Variants in ARIH1 observed in about 807,000 individuals in gnomAD.
ARIH1 encodes the protein E3 ubiquitin-protein ligase ARIH1.
Under a neutral mutation model 85.0 loss-of-function variants are expected in ARIH1, and 8 were observed. The ratio of observed to expected loss-of-function variants is 0.09; its 90% CI spans 0.06 to 0.17. ARIH1 has a LOEUF of 0.17. Ranked by LOEUF, ARIH1 falls within the 10% of genes least tolerant of loss-of-function variation. ARIH1 has a pLI of 1.00. For synonymous variants in ARIH1, 238 were observed against 253.6 expected (o/e 0.94, Z 0.59); for missense variants, 311 against 718.1 (o/e 0.43, Z 6.48).
rs1315195088 is a variant in ARIH1, at chr15:72,586,672, G to A, written c.*3380G>A. 1 of 152,292 alleles carries A rather than the reference G, an allele frequency of 6.6e-6. No individual in the cohort carries two copies. The highest frequency in any genetic ancestry group is 1.9e-4 in the East Asian group (1 of 5,202). The allele number at this position is 152,292 out of a possible 1,614,324, so 9.4% of individuals were successfully genotyped here. On this transcript the variant is annotated 3_prime_UTR_variant, in exon 14 of 14. Transcript: ENST00000379887. ...CACTTAATATAAAATGTCAAAAATTGGTTGTTTCTTTGCAGGGAACTGTGA... is the reference window on the plus strand; with the variant it reads ...CACTTAATATAAAATGTCAAAAATTAGTTGTTTCTTTGCAGGGAACTGTGA...
chr15:72,557,186 C>T (rs1042195915), intron 5 of ARIH1, among the ~76,000 whole-genome samples: 10 of 151,640 alleles, frequency 6.6e-5, no homozygotes, highest in South Asian at 2.1e-4. Flanking sequence ...TACATCATTA[C>T]GGTTTTGATT....
At chr15:72,476,191 A>G (rs1003005285) in intron 1 of ARIH1, among the ~76,000 whole-genome samples, 1 of 152,198 alleles carries the variant, frequency 6.6e-6, no homozygotes, top group Non-Finnish European at 1.5e-5. Context: ...ACTGATTTTT[A>G]TAGTATTATA....
intron 9 of ARIH1, 77 bp from the exon 10 acceptor site, chr15:72,570,100 T>C (rs1567358788): frequency 2.6e-6 from 4 of 1,526,790 alleles, no homozygotes; most frequent in Non-Finnish European, 3.6e-6. Context: ...AAACCAAATC[T>C]AGAACTGGCT....
chr15:72,594,765 T>C lies in ARIH1; in HGVS notation c.*11473T>C, dbSNP rs905717706. ...TAAATAGATACACAACAGTGTAGTCTGCAAATAATGTTTTTACTTCTTTTT... is the reference window on the plus strand; with the variant it reads ...TAAATAGATACACAACAGTGTAGTCCGCAAATAATGTTTTTACTTCTTTTT... On this transcript the variant is annotated 3_prime_UTR_variant, in exon 14 of 14. Coordinates refer to ENST00000379887, the MANE Select transcript of ARIH1 (RefSeq NM_005744.5). 1.3e-5 allele frequency: 2 copies of C among 151,462 alleles called. No homozygotes were observed. Among genetic ancestry groups the C allele is most frequent in the African/African-American group, 2.4e-5 (1 of 41,096 alleles). The allele number at this position is 151,462 out of a possible 1,614,324, so 9.4% of individuals were successfully genotyped here. A position where few individuals can be genotyped will look rare whatever the true frequency, so the allele number is the denominator to read the frequency against.
intron 2 of ARIH1, among the ~76,000 whole-genome samples, chr15:72,544,351 G>C (rs943479930): frequency 6.6e-6 from 1 of 152,084 alleles, no homozygotes; most frequent in Admixed American, 6.6e-5. Context: ...TTAATAAAAT[G>C]AATTCATTTG....
chr15:72,557,070 T>C (rs2064177564), intron 5 of ARIH1, among the ~76,000 whole-genome samples: 1 of 152,216 alleles, frequency 6.6e-6, no homozygotes, highest in Non-Finnish European at 1.5e-5. Context: ...ATTTTCCCTG[T>C]GATCTCACCA....
chr15:72,475,893 G>A (rs1027009816), intron 1 of ARIH1, among the ~76,000 whole-genome samples: 1 of 152,022 alleles, frequency 6.6e-6, no homozygotes, highest in East Asian at 1.9e-4. Flanking sequence ...ATTTAACCAT[G>A]TGCGTCAGAT....
intron 3 of ARIH1, among the ~76,000 whole-genome samples, chr15:72,554,256 A>G (rs543710404): frequency 3.3e-5 from 5 of 152,266 alleles, no homozygotes; most frequent in South Asian, 4.1e-4. Flanking sequence ...GCTGGGTCCT[A>G]TGGTAACTCT....
At chr15:72,505,466 A>G (rs2063920703) in intron 1 of ARIH1, among the ~76,000 whole-genome samples, 1 of 152,162 alleles carries the variant, frequency 6.6e-6, no homozygotes, top group Non-Finnish European at 1.5e-5. Context: ...TCAAGTATGA[A>G]TATAGCATAA....
chr15:72,537,702 GCTGGGGGGAGTTGAAATGGCAGTT>G (rs1246029227), intron 2 of ARIH1, among the ~76,000 whole-genome samples: 1 of 152,116 alleles, frequency 6.6e-6, no homozygotes, highest in Non-Finnish European at 1.5e-5. Context: ...GGTTAATGTG[GCTGGGGGGAGTTGAAATGGCAGTT>G]CTTGGAAGGG....
At chr15:72,567,333 T>C (rs919690338) in intron 9 of ARIH1, among the ~76,000 whole-genome samples, 156 bp downstream of exon 9, 1 of 152,146 alleles carries the variant, frequency 6.6e-6, no homozygotes, top group African/African-American at 2.4e-5. Flanking sequence ...TTGCCTGTTA[T>C]TTCCTTTTTC....
intron 1 of ARIH1, among the ~76,000 whole-genome samples, chr15:72,481,373 C>G (rs779851996): frequency 6.6e-6 from 1 of 152,094 alleles, no homozygotes; most frequent in Admixed American, 6.6e-5. Context: ...TGATAGATTA[C>G]TACAGAGGTG....
At chr15:72,536,622 G>A (rs981444217) in intron 2 of ARIH1, among the ~76,000 whole-genome samples, 4 of 152,080 alleles carry the variant, frequency 2.6e-5, no homozygotes, top group Admixed American at 2.6e-4. Context: ...TTGGAAGATG[G>A]CATAGTTTAT....
intron 5 of ARIH1, among the ~76,000 whole-genome samples, chr15:72,559,996 A>G (rs1355204479): frequency 6.6e-6 from 1 of 152,226 alleles, no homozygotes; most frequent in African/African-American, 2.4e-5. Flanking sequence ...TCTTAAGTAT[A>G]TATATTTCAA....
intron 11 of ARIH1, among the ~76,000 whole-genome samples, chr15:72,580,282 C>T (rs1442508071): frequency 6.6e-6 from 1 of 152,156 alleles, no homozygotes; most frequent in Non-Finnish European, 1.5e-5. Context: ...AGGCTGAGTA[C>T]TCGTGTGTGT....
At chr15:72,506,817 A>T (rs181035553) in intron 1 of ARIH1, among the ~76,000 whole-genome samples, 1 of 152,102 alleles carries the variant, frequency 6.6e-6, no homozygotes, top group African/African-American at 2.4e-5. Flanking sequence ...CTGTGTATGT[A>T]AACTGGAATA....
chr15:72,504,162 C>A, intron 1 of ARIH1, among the ~76,000 whole-genome samples: 1 of 152,230 alleles, frequency 6.6e-6, no homozygotes, highest in East Asian at 1.9e-4. Context: ...TCAAGCGATT[C>A]TCCTGCCTCA....
At chr15:72,505,704 A>G (rs181925076) in intron 1 of ARIH1, among the ~76,000 whole-genome samples, 1 of 152,098 alleles carries the variant, frequency 6.6e-6, no homozygotes, top group East Asian at 1.9e-4. Context: ...ACAAATTATG[A>G]CCTGTTTCTC....
At position 72,541,459 on chromosome 15, in the gene ARIH1, A is replaced by G. The variant is rs376967996; in HGVS notation, c.444-3361A>G. On this transcript the variant is annotated intron_variant, in intron 2 of 13. Coordinates refer to ENST00000379887, the MANE Select transcript of ARIH1 (RefSeq NM_005744.5). The stretch of plus-strand genomic sequence containing the variant: ...CTTTGTTCTTGGCTAGGAAGACAAT[A>G]TTATAGAGTCAATTCTTTCAGTCAG... Among the ~76,000 whole-genome samples, 12 of 152,354 alleles carry G rather than the reference A, an allele frequency of 7.9e-5. No individual in the cohort carries two copies. In the East Asian group the frequency reaches 2.1e-3, roughly 27 times the overall value.
Sources: gnomAD v4.1 joint callset for allele counts (sites outside exome capture counted in the v4.1 genomes callset) on GRCh38, gnomAD v4.1.1 for gene constraint, MANE v1.5 for transcripts, NCBI Gene and HGNC (gene_info 2026-07-23, HGNC 2026-07-21) for gene names.